RPSA2: variants seen among roughly 807,000 people sequenced by gnomAD.
The protein encoded by RPSA2 is ribosomal protein SA 2, also known as small ribosomal subunit protein uS2B.
chr19:23,869,926 C>T, the RPSA2 span, among the ~76,000 whole-genome samples: 1 of 152,202 alleles, frequency 6.6e-6, no homozygotes, highest in African/African-American at 2.4e-5. Context: ...TAAGGCGGAC[C>T]AGCTCCAGGT....
At chr19:23,773,443 CCAGATAACTTT>C in the RPSA2 span, among the ~76,000 whole-genome samples, 1 of 151,970 alleles carries the variant, frequency 6.6e-6, no homozygotes, top group Non-Finnish European at 1.5e-5. Flanking sequence ...ACCACCATGC[CCAGATAACTTT>C]TGTATTTTTA....
the RPSA2 span, among the ~76,000 whole-genome samples, chr19:23,765,970 T>C: frequency 5.5e-5 from 1 of 18,322 alleles, no homozygotes; most frequent in Admixed American, 1.1e-3. Flanking sequence ...GAATAATACT[T>C]GTACATAAAA....
chr19:23,868,934 A>C, the RPSA2 span, among the ~76,000 whole-genome samples: 1 of 152,072 alleles, frequency 6.6e-6, no homozygotes, highest in Non-Finnish European at 1.5e-5. Context: ...CAACCCCTAT[A>C]ACCTGGGGGA....
At chr19:23,827,628 A>T in the RPSA2 span, 3 of 1,593,816 alleles carry the variant, frequency 1.9e-6, no homozygotes, top group Non-Finnish European at 1.7e-6. Context: ...CCTCTGCGCT[A>T]TGTGGACATT....
At chr19:23,836,051 A>G in the RPSA2 span, among the ~76,000 whole-genome samples, 150,659 of 152,314 alleles carry the variant, frequency 0.99, 74,534 homozygotes, top group Middle Eastern at 1. Flanking sequence ...TTGGTTAGAT[A>G]AGTAAGTTCT....
At chr19:23,773,732 A>C in the RPSA2 span, among the ~76,000 whole-genome samples, 27 of 152,334 alleles carry the variant, frequency 1.8e-4, no homozygotes, top group Admixed American at 1.6e-3. Flanking sequence ...TTCAGTTTGC[A>C]GGTGAGTTGA....
the RPSA2 span, chr19:23,831,978 A>G: frequency 2.6e-6 from 1 of 382,896 alleles, no homozygotes; most frequent in African/African-American, 2.1e-5. Context: ...ACAAATGTAA[A>G]AAATGTGGAA....
At chr19:23,773,602 T>A in the RPSA2 span, among the ~76,000 whole-genome samples, 1 of 152,164 alleles carries the variant, frequency 6.6e-6, no homozygotes, top group East Asian at 1.9e-4. Flanking sequence ...TACTGTTGTA[T>A]GAACACACAT....
At chr19:23,759,763 T>C in the RPSA2 span, among the ~76,000 whole-genome samples, 148,606 of 151,898 alleles carry the variant, frequency 0.98, 72,787 homozygotes, top group Middle Eastern at 1. Context: ...ACCTCGTGAT[T>C]GGCCCGCCTC....
At chr19:23,858,379 C>T in the RPSA2 span, among the ~76,000 whole-genome samples, 1 of 152,092 alleles carries the variant, frequency 6.6e-6, no homozygotes, top group Non-Finnish European at 1.5e-5. Flanking sequence ...AACTAGATTA[C>T]ACTTGTACCC....
chr19:23,861,432 G>A, the RPSA2 span, among the ~76,000 whole-genome samples: 1 of 152,006 alleles, frequency 6.6e-6, no homozygotes, highest in African/African-American at 2.4e-5. Context: ...TAGAATCCAT[G>A]CCCACCATTT....
chr19:23,832,869 T>C, the RPSA2 span: 874 of 1,575,972 alleles, frequency 5.5e-4, 5 homozygotes, highest in African/African-American at 0.011. Context: ...AGAGAATTCA[T>C]ACTGGAGAGA....
At chr19:23,795,891 C>G in the RPSA2 span, among the ~76,000 whole-genome samples, 2 of 152,162 alleles carry the variant, frequency 1.3e-5, no homozygotes, top group Non-Finnish European at 2.9e-5. Context: ...TCTCTTTCCA[C>G]AGCCTGTAAA....
the RPSA2 span, chr19:23,758,841 G>A: frequency 3.8e-6 from 6 of 1,578,050 alleles, no homozygotes; most frequent in East Asian, 2.2e-5. Flanking sequence ...TAGAAGAAGA[G>A]GACACAGAGC....
chr19:23,775,368 A>G, the RPSA2 span, among the ~76,000 whole-genome samples: 1 of 152,182 alleles, frequency 6.6e-6, no homozygotes, highest in African/African-American at 2.4e-5. Context: ...GGCAACTCTC[A>G]TATCTGGACC....
At chr19:23,788,380 T>G in the RPSA2 span, among the ~76,000 whole-genome samples, 1 of 152,178 alleles carries the variant, frequency 6.6e-6, no homozygotes, top group Non-Finnish European at 1.5e-5. Flanking sequence ...TGTTGCTGGA[T>G]GCAGCATTTA....
At chr19:23,778,611 C>T in the RPSA2 span, among the ~76,000 whole-genome samples, 2 of 152,078 alleles carry the variant, frequency 1.3e-5, no homozygotes, top group Admixed American at 6.6e-5. Flanking sequence ...CTGCCTGGTC[C>T]ATGCCCACAG....
At chr19:23,785,806 G>A in the RPSA2 span, among the ~76,000 whole-genome samples, 1 of 152,154 alleles carries the variant, frequency 6.6e-6, no homozygotes, top group Non-Finnish European at 1.5e-5. Context: ...CATCTAATAG[G>A]AGAGGTGCTG....
chr19:23,781,381 C>T, the RPSA2 span, among the ~76,000 whole-genome samples: 148,854 of 152,190 alleles, frequency 0.98, 72,889 homozygotes, highest in Middle Eastern at 1. Context: ...TCTTCTTACC[C>T]AGACTAGAGT....
Sources: gnomAD v4.1 joint callset for allele counts (sites outside exome capture counted in the v4.1 genomes callset) on GRCh38, gnomAD v4.1.1 for gene constraint, MANE v1.5 for transcripts, NCBI Gene and HGNC (gene_info 2026-07-23, HGNC 2026-07-21) for gene names.